ATP10B: variants seen among roughly 807,000 people sequenced by gnomAD.
ATP10B encodes phospholipid-transporting ATPase VB.
ATP10B carries 122 observed loss-of-function variants against 141.2 expected under a neutral mutation model. That is an observed-to-expected ratio of 0.86 (90% CI 0.75 to 1.00). The LOEUF (loss-of-function observed/expected upper bound fraction) is 1.00. Ranked by LOEUF, ATP10B falls within the 50% of genes least tolerant of loss-of-function variation. The pLI is 0.00. For synonymous variants in ATP10B, 685 were observed against 692.0 expected (o/e 0.99, Z 0.16); for missense variants, 1,876 against 1,825.3 (o/e 1.03, Z -0.51).
At chr5:160,746,707 G>A (rs1043565162) in intron 2 of ATP10B, among the ~76,000 whole-genome samples, 4 of 152,084 alleles carry the variant, frequency 2.6e-5, no homozygotes, top group South Asian at 2.1e-4. Flanking sequence ...ATTTTCCAAC[G>A]TGTAAGTTTT....
At chr5:160,902,990 C>T in the ATP10B span, among the ~76,000 whole-genome samples, 1 of 152,100 alleles carries the variant, frequency 6.6e-6, no homozygotes, top group Non-Finnish European at 1.5e-5. Flanking sequence ...CTGTGGATGC[C>T]AGCACTGGAT....
intron 25 of ATP10B, among the ~76,000 whole-genome samples, chr5:160,566,566 T>C (rs983189962): frequency 5.9e-5 from 9 of 152,062 alleles, no homozygotes; most frequent in Non-Finnish European, 7.4e-5. Context: ...GATCTCCCTG[T>C]TGACTGACTC....
intron 2 of ATP10B, among the ~76,000 whole-genome samples, chr5:160,759,439 A>G (rs542467838): frequency 6.6e-6 from 1 of 152,372 alleles, no homozygotes; most frequent in South Asian, 2.1e-4. Context: ...TAGTTTTGTC[A>G]TTCATAAATG....
the ATP10B span, among the ~76,000 whole-genome samples, chr5:160,869,443 A>C: frequency 6.6e-6 from 1 of 152,098 alleles, no homozygotes; most frequent in South Asian, 2.1e-4. Context: ...ACAAAAAAAA[A>C]ATAGTCCTAT....
At chr5:160,666,689 A>G (rs1762338503) in intron 7 of ATP10B, among the ~76,000 whole-genome samples, 1 of 152,224 alleles carries the variant, frequency 6.6e-6, no homozygotes. Context: ...AGTTCTATCC[A>G]TACTCAGAAA....
intron 7 of ATP10B, among the ~76,000 whole-genome samples, chr5:160,663,512 C>A (rs1170692111): frequency 6.6e-6 from 1 of 152,048 alleles, no homozygotes; most frequent in African/African-American, 2.4e-5. Context: ...AGCTGCAAAC[C>A]ATCATTCTCA....
At chr5:160,566,635 G>A (rs181916303) in intron 25 of ATP10B, among the ~76,000 whole-genome samples, 3 of 152,290 alleles carry the variant, frequency 2.0e-5, no homozygotes, top group Admixed American at 6.5e-5. Flanking sequence ...GGAATTGGAA[G>A]TCTTTATCTG....
chr5:160,879,142 T>C, the ATP10B span, among the ~76,000 whole-genome samples: 7 of 56,602 alleles, frequency 1.2e-4, no homozygotes, highest in Non-Finnish European at 2.4e-4. Flanking sequence ...AACCCAAATG[T>C]CCAACAATGA....
intron 2 of ATP10B, among the ~76,000 whole-genome samples, chr5:160,725,161 A>G (rs569400869): frequency 6.6e-6 from 1 of 152,364 alleles, no homozygotes; most frequent in African/African-American, 2.4e-5. Context: ...AAGAAACAGG[A>G]GAAAGAATGA....
Position 160,849,828 on chromosome 5 carries a change from A to G in ATP10B, c.-576+2113T>C, listed in dbSNP as rs146258242. 8.7e-4 allele frequency among the ~76,000 whole-genome samples: 133 copies of G among 152,332 alleles called. 2 individuals are homozygous for G. The East Asian group carries it at 0.016, about 18-fold the overall frequency. ...AAAAGGGTATTTTATAAAAAATGAA[A>G]AGAAGAAAAGGCTCCAGAAACTTAA... On this transcript the variant is annotated intron_variant, in intron 1 of 25. Transcript: ENST00000327245.
chr5:160,896,992 C>A, the ATP10B span, among the ~76,000 whole-genome samples: 2 of 152,058 alleles, frequency 1.3e-5, no homozygotes, highest in Admixed American at 6.6e-5. Context: ...AAATTCAATA[C>A]CCTTTTATGC....
intron 21 of ATP10B, among the ~76,000 whole-genome samples, chr5:160,601,440 G>A (rs902174404): frequency 2.6e-5 from 4 of 152,150 alleles, no homozygotes; most frequent in Non-Finnish European, 5.9e-5. Context: ...CTTTGAACTA[G>A]ATAATGAAAA....
chr5:160,911,668 T>C, the ATP10B span, among the ~76,000 whole-genome samples: 9 of 152,188 alleles, frequency 5.9e-5, no homozygotes, highest in African/African-American at 2.2e-4. Flanking sequence ...AAATGAGAGA[T>C]GTATTTCCTA....
intron 1 of ATP10B, among the ~76,000 whole-genome samples, chr5:160,813,209 G>A (rs918756013): frequency 6.6e-5 from 10 of 152,196 alleles, no homozygotes; most frequent in Non-Finnish European, 1.3e-4. Context: ...GGAAGCACAA[G>A]GGGTCAGGGA....
intron 1 of ATP10B, among the ~76,000 whole-genome samples, chr5:160,786,135 G>A (rs2127895474): frequency 6.6e-6 from 1 of 152,292 alleles, no homozygotes; most frequent in East Asian, 1.9e-4. Flanking sequence ...ACTGGTTTCA[G>A]AATGGATATG....
chr5:160,638,206 AGTT>A (rs1284660735), intron 10 of ATP10B, among the ~76,000 whole-genome samples: 2 of 152,136 alleles, frequency 1.3e-5, no homozygotes, highest in Non-Finnish European at 2.9e-5. Context: ...CCTGTGTATG[AGTT>A]GTTAATTCAG....
At chr5:160,681,696 C>A (rs1561746476) in intron 6 of ATP10B, among the ~76,000 whole-genome samples, 1 of 152,094 alleles carries the variant, frequency 6.6e-6, no homozygotes, top group Non-Finnish European at 1.5e-5. Flanking sequence ...TATTTTGAAG[C>A]AAAGTTTGCA....
the ATP10B span, among the ~76,000 whole-genome samples, chr5:160,890,708 A>AT: frequency 1.0e-4 from 15 of 150,004 alleles, no homozygotes; most frequent in East Asian, 5.9e-4. Context: ...AGTTGTTTTC[A>AT]TTTTTTTTTC....
chr5:160,609,050 T>G (rs1475446884), intron 18 of ATP10B, among the ~76,000 whole-genome samples: 1 of 152,174 alleles, frequency 6.6e-6, no homozygotes, highest in Non-Finnish European at 1.5e-5. Context: ...TCTTCTAGGG[T>G]TTTTATGGTT....
Sources: gnomAD v4.1 joint callset for allele counts (sites outside exome capture counted in the v4.1 genomes callset) on GRCh38, gnomAD v4.1.1 for gene constraint, MANE v1.5 for transcripts, NCBI Gene and HGNC (gene_info 2026-07-23, HGNC 2026-07-21) for gene names.